CNTNAP3B: variants seen among roughly 807,000 people sequenced by gnomAD.
The protein encoded by CNTNAP3B is contactin associated protein family member 3B.
CNTNAP3B carries 25 observed loss-of-function variants against 108.9 expected under a neutral mutation model. The observed-to-expected ratio is 0.23, with a 90% confidence interval of 0.17 to 0.32. The LOEUF (loss-of-function observed/expected upper bound fraction) is 0.32, where lower values mean the gene tolerates loss of function less well. Among genes scored for constraint, CNTNAP3B ranks in the 10% least tolerant of loss-of-function variants. The probability of loss-of-function intolerance (pLI) is 1.00; values close to 1 mark genes in which losing one functional copy is unlikely to be tolerated. For synonymous variants in CNTNAP3B, 103 were observed against 473.4 expected (o/e 0.22, Z 10.16); for missense variants, 252 against 1,210.4 (o/e 0.21, Z 11.75).
At chr9:42,047,505 GAGTCT>G (rs1262776617) in intron 3 of CNTNAP3B, among the ~76,000 whole-genome samples, 1 of 90,664 alleles carries the variant, frequency 1.1e-5, no homozygotes, top group Non-Finnish European at 2.2e-5. Flanking sequence ...AGAAAGAAAT[GAGTCT>G]AGTCGAGTTC....
At chr9:41,945,643 C>T (rs1299624158) in intron 13 of CNTNAP3B, among the ~76,000 whole-genome samples, 3 of 152,310 alleles carry the variant, frequency 2.0e-5, no homozygotes, top group Non-Finnish European at 4.4e-5. Flanking sequence ...GGAGGAATAG[C>T]ATTAGGAGAT....
At chr9:42,020,570 G>A (rs1826294090) in intron 3 of CNTNAP3B, among the ~76,000 whole-genome samples, 2 of 146,070 alleles carry the variant, frequency 1.4e-5, no homozygotes, top group South Asian at 2.2e-4. Flanking sequence ...TCAACAACCA[G>A]CCTCGTTCTG....
chr9:41,990,677 T>A lies in CNTNAP3B; in HGVS notation c.1333+933A>T, dbSNP rs1230572467. Among the ~76,000 whole-genome samples, 408 of 134,624 alleles carry A rather than the reference T, an allele frequency of 3.0e-3. 1 individual carries two copies. The highest frequency in any genetic ancestry group is 0.018 in the Middle Eastern group (5 of 276). The allele number at this position is 134,624 out of a possible 152,430, so 88.3% of individuals were successfully genotyped here. A position where few individuals can be genotyped will look rare whatever the true frequency, so the allele number is the denominator to read the frequency against. On this transcript the variant is annotated intron_variant, in intron 8 of 23. Coordinates refer to ENST00000377561, the MANE Select transcript of CNTNAP3B (RefSeq NM_001201380.3). ...TTTTTCAGATTACGCTTTTTTTTTT[T>A]AAAGCCCCCATTTAGTTCCGATGCC...
chr9:41,942,411 C>T (rs1366974135), intron 13 of CNTNAP3B, among the ~76,000 whole-genome samples: 4 of 152,056 alleles, frequency 2.6e-5, no homozygotes, highest in Non-Finnish European at 5.9e-5. Context: ...GAGATCCAGA[C>T]CATCCTGGCT....
chr9:41,955,900 A>C (rs1368270904), intron 12 of CNTNAP3B, among the ~76,000 whole-genome samples: 3 of 152,250 alleles, frequency 2.0e-5, no homozygotes, highest in East Asian at 1.9e-4. Flanking sequence ...ACTTATTATA[A>C]ATTAAAAATG....
chr9:41,958,730 G>C (rs1406166573), intron 12 of CNTNAP3B, among the ~76,000 whole-genome samples: 691 of 143,508 alleles, frequency 4.8e-3, no homozygotes, highest in Non-Finnish European at 6.0e-3. Context: ...CAAAACAAAA[G>C]AAAACAAAAC....
At chr9:41,933,596 T>A (rs1564147974) in intron 14 of CNTNAP3B, among the ~76,000 whole-genome samples, 1 of 152,298 alleles carries the variant, frequency 6.6e-6, no homozygotes, top group Non-Finnish European at 1.5e-5. Flanking sequence ...GAAATTCAAG[T>A]AATTCCTCAA....
Position 42,095,408 on chromosome 9 carries a change from C to T in CNTNAP3B, c.196+9221G>A, listed in dbSNP as rs1263497404. Among the ~76,000 whole-genome samples the T allele has an allele frequency of 5.0e-5, 7 of 138,920 alleles. 1 individual carries two copies. The highest frequency in any genetic ancestry group is 1.1e-4 in the Non-Finnish European group (7 of 65,014). The allele number at this position is 138,920 out of a possible 152,430, so 91.1% of individuals were successfully genotyped here. On this transcript the variant is annotated intron_variant, in intron 2 of 23. Coordinates refer to ENST00000377561, the MANE Select transcript of CNTNAP3B (RefSeq NM_001201380.3). ...TGTACTTGGCTCTAGTAAGTACAAGCGTGGGGAAAATGTAAAACTCTTTTG... is the reference window on the plus strand; with the variant it reads ...TGTACTTGGCTCTAGTAAGTACAAGTGTGGGGAAAATGTAAAACTCTTTTG...
Position 41,997,586 on chromosome 9 carries a change from G to C in CNTNAP3B, c.909C>G (p.Asn303Lys), listed in dbSNP as rs1204754367. 1 of 1,611,222 alleles carries C rather than the reference G, an allele frequency of 6.2e-7. No individual in the cohort carries two copies. The highest frequency in any genetic ancestry group is 1.1e-5 in the South Asian group (1 of 90,882). Reference protein sequence around the residue: ...HHFQAKGDSSNLDLNFEISFG... With the variant: ...HHFQAKGDSSKLDLNFEISFG... Reference sequence around the variant, plus strand: ...TAATAACCTCAAAATTAAGATCCAAGTTACTGGAATCTCCCTTTGCTTGGA... The same window carrying C: ...TAATAACCTCAAAATTAAGATCCAACTTACTGGAATCTCCCTTTGCTTGGA... The change falls in exon 6 of 24, where the codon AAC becomes AAG. Residue 303 changes from asparagine to lysine, a missense_variant. By Grantham distance (94) the Asn-to-Lys change is moderately conservative. Transcript: ENST00000377561.
intron 13 of CNTNAP3B, among the ~76,000 whole-genome samples, chr9:41,952,869 G>A (rs1303119480): frequency 6.6e-6 from 1 of 150,466 alleles, no homozygotes; most frequent in African/African-American, 2.4e-5. Flanking sequence ...GACCCAGCCT[G>A]CCCTACAGCC....
At chr9:42,088,695 T>C (rs1827755059) in intron 2 of CNTNAP3B, among the ~76,000 whole-genome samples, 1 of 137,360 alleles carries the variant, frequency 7.3e-6, no homozygotes, top group Admixed American at 7.3e-5. Context: ...AGCATAAAAA[T>C]AGAATGCCAT....
intron 18 of CNTNAP3B, among the ~76,000 whole-genome samples, chr9:41,917,870 C>A (rs1275802880): frequency 6.7e-6 from 1 of 148,362 alleles, no homozygotes; most frequent in Non-Finnish European, 1.5e-5. Flanking sequence ...GGCTTCTTGG[C>A]TATATCCATA....
intron 12 of CNTNAP3B, among the ~76,000 whole-genome samples, chr9:41,958,251 A>G (rs1448521132): frequency 2.6e-5 from 4 of 152,300 alleles, no homozygotes; most frequent in Non-Finnish European, 5.9e-5. Context: ...GGGACTACAG[A>G]TACATGTCAC....
chr9:42,030,725 C>G (rs1393523467), intron 3 of CNTNAP3B, among the ~76,000 whole-genome samples: 25 of 77,102 alleles, frequency 3.2e-4, no homozygotes, highest in Non-Finnish European at 5.1e-4. Flanking sequence ...CTCTCCTGCC[C>G]GGAGAAGGGA....
At chr9:41,935,320 C>T (rs1208734385) in intron 14 of CNTNAP3B, among the ~76,000 whole-genome samples, 4 of 152,214 alleles carry the variant, frequency 2.6e-5, no homozygotes, top group South Asian at 4.1e-4. Flanking sequence ...ATTAACAATA[C>T]TGCCTGCCCC....
chr9:42,004,778 G>A (rs1409392307), intron 4 of CNTNAP3B, among the ~76,000 whole-genome samples: 1 of 119,262 alleles, frequency 8.4e-6, no homozygotes, highest in East Asian at 2.3e-4. Context: ...TAGAATAGAT[G>A]TATTGGGATT....
At chr9:42,042,136 A>T (rs1412961995) in intron 3 of CNTNAP3B, among the ~76,000 whole-genome samples, 2 of 141,692 alleles carry the variant, frequency 1.4e-5, no homozygotes, top group Admixed American at 7.0e-5. Flanking sequence ...GATGTAAATG[A>T]GGAGTTAATG....
At chr9:41,930,017 T>C (rs967506741) in intron 14 of CNTNAP3B, among the ~76,000 whole-genome samples, 1 of 152,276 alleles carries the variant, frequency 6.6e-6, no homozygotes, top group Non-Finnish European at 1.5e-5. Flanking sequence ...TGATTATTCT[T>C]TACAAATAAA....
chr9:42,063,465 G>T (rs1827209845), intron 3 of CNTNAP3B, among the ~76,000 whole-genome samples: 1 of 133,530 alleles, frequency 7.5e-6, no homozygotes. Context: ...CTTTTGTCTT[G>T]ATGCTCTTTT....
Sources: allele counts gnomAD v4.1 joint callset (sites outside exome capture counted in the v4.1 genomes callset), GRCh38; gene constraint gnomAD v4.1.1; transcripts MANE v1.5; gene names NCBI Gene and HGNC (gene_info 2026-07-23, HGNC 2026-07-21).